PLA2G12A: variants seen among roughly 807,000 people sequenced by gnomAD.
The protein encoded by PLA2G12A is phospholipase A2 group XIIA, also known as group XIIA secretory phospholipase A2.
A neutral mutation model predicts 16.0 loss-of-function variants in PLA2G12A; 11 were observed. The ratio of observed to expected loss-of-function variants is 0.69; its 90% confidence interval spans 0.43 to 1.13. PLA2G12A has a LOEUF of 1.13. PLA2G12A is among the 50% of genes most tolerant of loss of function. The pLI, the probability that PLA2G12A is intolerant of heterozygous loss-of-function variation, is 0.00. For synonymous variants in PLA2G12A, 77 were observed against 93.8 expected (o/e 0.82, Z 1.03); for missense variants, 214 against 237.3 (o/e 0.90, Z 0.65).
intron 3 of PLA2G12A, among the ~76,000 whole-genome samples, chr4:109,716,117 T>A (rs968793630): frequency 3.3e-5 from 5 of 152,200 alleles, no homozygotes; most frequent in African/African-American, 1.2e-4. Flanking sequence ...AGGAAATAAA[T>A]CTATCTATGC....
chr4:109,713,921 A>C lies in PLA2G12A; in HGVS notation c.*456T>G, dbSNP rs889554851. The C allele has an allele frequency of 1.3e-5, 2 of 157,370 alleles. No homozygotes were observed. The highest frequency in any genetic ancestry group is 4.8e-5 in the African/African-American group (2 of 41,506). 9.7% of individuals were successfully genotyped at this position (157,370 alleles called of 1,614,324 possible). On this transcript the variant is annotated 3_prime_UTR_variant, in exon 4 of 4. Coordinates refer to ENST00000243501, the MANE Select transcript of PLA2G12A (RefSeq NM_030821.5). Reference sequence around the variant, plus strand: ...TAGAAAAAAAAAGTCCGTTCCTTCTAGGCATAAATGTGTATTTAAAATTTC... The same window carrying C: ...TAGAAAAAAAAAGTCCGTTCCTTCTCGGCATAAATGTGTATTTAAAATTTC...
chr4:109,728,702 A>G (rs999714197), intron 1 of PLA2G12A, among the ~76,000 whole-genome samples: 2 of 152,210 alleles, frequency 1.3e-5, no homozygotes, highest in African/African-American at 2.4e-5. Context: ...CACCTATACA[A>G]TCAGGTTCCA....
chr4:109,727,683 CCTAGCTATTTGG>C (rs1561274152), intron 1 of PLA2G12A, among the ~76,000 whole-genome samples: 1 of 152,024 alleles, frequency 6.6e-6, no homozygotes, highest in Non-Finnish European at 1.5e-5. Context: ...GGCCTATAGT[CCTAGCTATTTGG>C]GAAGCTGAGG....
chr4:109,729,318 T>C (rs1226594754), intron 1 of PLA2G12A, among the ~76,000 whole-genome samples: 1 of 144,528 alleles, frequency 6.9e-6, no homozygotes, highest in African/African-American at 2.5e-5. Flanking sequence ...GGCAACTTGG[T>C]GCAATTGAGG....
intron 1 of PLA2G12A, among the ~76,000 whole-genome samples, chr4:109,721,384 C>T (rs939428917): frequency 1.3e-5 from 2 of 150,500 alleles, no homozygotes; most frequent in African/African-American, 2.5e-5. Flanking sequence ...TGCAATGGCG[C>T]GATCTTGGCT....
chr4:109,712,356 T>A lies in PLA2G12A; in HGVS notation c.*2021A>T, dbSNP rs1246257357. 1 of 152,148 alleles carries A rather than the reference T, an allele frequency of 6.6e-6. No individual in the cohort carries two copies. Among genetic ancestry groups the A allele is most frequent in the Non-Finnish European group, 1.5e-5 (1 of 68,028 alleles). The allele number at this position is 152,148 out of a possible 1,614,324, so 9.4% of individuals were successfully genotyped here. A position where few individuals can be genotyped will look rare whatever the true frequency, so the allele number is the denominator to read the frequency against. Reference sequence around the variant, plus strand: ...TCTGAACATAAAAAACTGTTTCTACTGATTTTTGTATAATTTGTGATCACG... The same window carrying A: ...TCTGAACATAAAAAACTGTTTCTACAGATTTTTGTATAATTTGTGATCACG... On this transcript the variant is annotated 3_prime_UTR_variant, in exon 4 of 4. Coordinates refer to ENST00000243501, the MANE Select transcript of PLA2G12A (RefSeq NM_030821.5).
rs1215034949 is a variant in PLA2G12A at position 109,729,884 on chromosome 4, T to C, written c.-75A>G. On this transcript the variant is annotated 5_prime_UTR_variant, in exon 1 of 4. It removes the in-frame stop codon of an upstream open reading frame in the 5' UTR. Coordinates refer to ENST00000243501, the MANE Select transcript of PLA2G12A (RefSeq NM_030821.5). Reference sequence around the variant, plus strand: ...TCCCCACAGAGTCCCCAGGACGCGCTAGGCAGCGGCGCGGGCCCCGGACTT... The same window carrying C: ...TCCCCACAGAGTCCCCAGGACGCGCCAGGCAGCGGCGCGGGCCCCGGACTT... 7.5e-7 allele frequency: 1 copy of C among 1,330,728 alleles called. No homozygotes were observed. The highest frequency in any genetic ancestry group is 1.6e-5 in the African/African-American group (1 of 64,372). The allele number at this position is 1,330,728 out of a possible 1,614,324, so 82.4% of individuals were successfully genotyped here.
In PLA2G12A at chr4:109,713,549, G is replaced by C. The variant is rs1253917514; in HGVS notation, c.*828C>G. On this transcript the variant is annotated 3_prime_UTR_variant, in exon 4 of 4. Coordinates refer to ENST00000243501, the MANE Select transcript of PLA2G12A (RefSeq NM_030821.5). ...CAGCAAATAGTGCCTTGATATATTAGGTTAAATATCTTTTCATTTATCTCA... is the reference window on the plus strand; with the variant it reads ...CAGCAAATAGTGCCTTGATATATTACGTTAAATATCTTTTCATTTATCTCA... The C allele has an allele frequency of 6.6e-6, 1 of 152,174 alleles. No individual in the cohort carries two copies. The highest frequency in any genetic ancestry group is 1.9e-4 in the East Asian group (1 of 5,200). 9.4% of individuals were successfully genotyped at this position (152,174 alleles called of 1,614,324 possible).
At chr4:109,718,228 C>T (rs1440239391) in intron 2 of PLA2G12A, among the ~76,000 whole-genome samples, 2 of 152,160 alleles carry the variant, frequency 1.3e-5, no homozygotes, top group East Asian at 3.8e-4. Flanking sequence ...GAATCTATAA[C>T]TTCAATTATT....
At chr4:109,721,336 TGAGATGGAGTCTCGC>T (rs1730938274) in intron 1 of PLA2G12A, among the ~76,000 whole-genome samples, 1 of 149,736 alleles carries the variant, frequency 6.7e-6, no homozygotes. Flanking sequence ...TTTTTTTTTT[TGAGATGGAGTCTCGC>T]TTTGCCTCCC....
At chr4:109,725,986 C>T (rs1334235798) in intron 1 of PLA2G12A, among the ~76,000 whole-genome samples, 1 of 152,208 alleles carries the variant, frequency 6.6e-6, no homozygotes, top group East Asian at 1.9e-4. Context: ...TCTCCAACAT[C>T]CCCATTCCCC....
At position 109,729,688 on chromosome 4, in the gene PLA2G12A, C is replaced by G; in HGVS notation, c.122G>C (p.Gly41Ala). 2.5e-6 allele frequency: 4 copies of G among 1,611,460 alleles called. No homozygotes were observed. Among genetic ancestry groups the G allele is most frequent in the Non-Finnish European group, 3.4e-6 (4 of 1,179,626 alleles). ...CAGGTACGTGTCTATCTTATGAACG[C>G]CGTTCCGGATGGTCTTCAGGGTGGC... is the stretch of plus-strand genomic sequence containing the variant. ...WRATLKTIRN[G>A]VHKIDTYLNA... Residue 41 changes from glycine (G) to alanine (A), a missense_variant, in exon 1 of 4, where the codon GGC (glycine) becomes GCC (alanine). By Grantham distance (60) the Gly-to-Ala change is moderately conservative (BLOSUM62 0). Coordinates refer to ENST00000243501, the MANE Select transcript of PLA2G12A (RefSeq NM_030821.5).
Position 109,717,585 on chromosome 4 carries a change from A to T in PLA2G12A, c.414T>A (p.Asp138Glu), listed in dbSNP as rs746251857. 9 of 1,613,950 alleles carry T rather than the reference A, an allele frequency of 5.6e-6. No individual in the cohort carries two copies. In the East Asian group the frequency reaches 2.0e-4, roughly 36 times the overall value. ...GAGTTAGTCCTAGTGTTTTCTGTAC[A>T]TCTCGGCAGATCTTGGAGAGGCAAT... is the stretch of plus-strand genomic sequence containing the variant. ...FQYCLSKICR[D>E]VQKTLGLTQH... The change falls in exon 3 of 4, where the codon GAT (aspartate) becomes GAA (glutamate). Residue 138 changes from aspartate (D) to glutamate (E), a missense_variant. Coordinates refer to ENST00000243501, the MANE Select transcript of PLA2G12A (RefSeq NM_030821.5).
intron 2 of PLA2G12A, among the ~76,000 whole-genome samples, chr4:109,718,067 A>C (rs1730858965): frequency 6.6e-6 from 1 of 152,204 alleles, no homozygotes; most frequent in Non-Finnish European, 1.5e-5. Context: ...CTAGGTAAGT[A>C]TGATTTTTGG....
At position 109,714,411 on chromosome 4, in the gene PLA2G12A, C is replaced by T. The variant is rs1361128082; in HGVS notation, c.536G>A (p.Cys179Tyr). The T allele has an allele frequency of 4.3e-6, 7 of 1,613,826 alleles. No individual in the cohort carries two copies. The South Asian group carries it at 5.5e-5, about 13-fold the overall frequency. ...AGTTTTTTCTTCATAATGACACCTG[C>T]ATGCGGCTCGTTGGCTGTCCAGATA... The part of the protein sequence containing the change: ...KPYLDSQRAA[C>Y]RCHYEEKTDL The change falls in exon 4 of 4, where the codon TGC (cysteine) becomes TAC (tyrosine). Residue 179 changes from cysteine to tyrosine, a missense_variant. Coordinates refer to ENST00000243501, the MANE Select transcript of PLA2G12A (RefSeq NM_030821.5).
At chr4:109,720,523 C>T (rs1174876536) in intron 1 of PLA2G12A, among the ~76,000 whole-genome samples, 1 of 124,936 alleles carries the variant, frequency 8.0e-6, no homozygotes, top group Non-Finnish European at 1.6e-5. Context: ...GGTGCCTGAG[C>T]CCAGGTTTTT....
chr4:109,718,673 C>G lies in PLA2G12A; in HGVS notation c.285+10G>C, dbSNP rs1317492990. The G allele has an allele frequency of 6.9e-5, 108 of 1,567,758 alleles. 1 individual carries two copies. Among genetic ancestry groups the G allele is most frequent in the Non-Finnish European group, 9.2e-5 (106 of 1,146,660 alleles). On this transcript the variant is annotated intron_variant, in intron 2 of 3. Coordinates refer to ENST00000243501, the MANE Select transcript of PLA2G12A (RefSeq NM_030821.5). Reference sequence around the variant, plus strand: ...GTTACAAAACTTATCAAATAAAAGACAATATTTACATGAACACCAAACAGT... The same window carrying G: ...GTTACAAAACTTATCAAATAAAAGAGAATATTTACATGAACACCAAACAGT...
At chr4:109,721,768 T>C (rs777735997) in intron 1 of PLA2G12A, among the ~76,000 whole-genome samples, 10 of 152,216 alleles carry the variant, frequency 6.6e-5, no homozygotes, top group Non-Finnish European at 1.5e-4. Context: ...CTGTTTTCAG[T>C]TAACAGTAAT....
chr4:109,728,422 G>A lies in PLA2G12A; in HGVS notation c.208+1180C>T, dbSNP rs114581717. Among the ~76,000 whole-genome samples, 1,123 of 152,278 alleles carry A rather than the reference G, an allele frequency of 7.4e-3. 13 individuals are homozygous for A. Among genetic ancestry groups the A allele is most frequent in the African/African-American group, 0.025 (1,059 of 41,552 alleles). ...AACTGTAACATTTGCTTTAGGAAAGGCAACTATTTGATCCTTAAATTATGC... is the reference window on the plus strand; with the variant it reads ...AACTGTAACATTTGCTTTAGGAAAGACAACTATTTGATCCTTAAATTATGC... On this transcript the variant is annotated intron_variant, in intron 1 of 3. Transcript: ENST00000243501.
Sources: gnomAD v4.1 joint callset for allele counts (sites outside exome capture counted in the v4.1 genomes callset) on GRCh38, gnomAD v4.1.1 for gene constraint, MANE v1.5 for transcripts, NCBI Gene and HGNC (gene_info 2026-07-23, HGNC 2026-07-21) for gene names.